C7orf57: variants seen among roughly 807,000 people sequenced by gnomAD.
The protein encoded by C7orf57 is uncharacterized protein C7orf57.
In C7orf57, 33 loss-of-function variants were observed where a neutral mutation model predicts 39.0. That is an observed-to-expected ratio of 0.85 (90% confidence interval 0.64 to 1.13). The LOEUF (loss-of-function observed/expected upper bound fraction) is 1.13. Ranked by LOEUF, C7orf57 falls within the 50% of genes most tolerant of loss-of-function variation. The pLI, the probability that C7orf57 is intolerant of heterozygous loss-of-function variation, is 0.00. For synonymous variants in C7orf57, 124 were observed against 137.1 expected, an observed-to-expected ratio of 0.90 and a Z score of 0.67; for missense variants, 346 against 362.3, an observed-to-expected ratio of 0.95 and a Z score of 0.37.
At chr7:48,038,757 T>G (rs1472090498) in intron 2 of C7orf57, among the ~76,000 whole-genome samples, 3 of 152,196 alleles carry the variant, frequency 2.0e-5, no homozygotes, top group Non-Finnish European at 4.4e-5. Flanking sequence ...CAGCATGATT[T>G]TATACATTTT....
chr7:48,043,880 T>C (rs575598444), intron 4 of C7orf57, among the ~76,000 whole-genome samples: 1 of 152,126 alleles, frequency 6.6e-6, no homozygotes, highest in South Asian at 2.1e-4. Context: ...TTAGAGCTTC[T>C]AAGATGGTGG....
At chr7:48,044,201 G>A (rs1406120769) in intron 4 of C7orf57, among the ~76,000 whole-genome samples, 1 of 152,194 alleles carries the variant, frequency 6.6e-6, no homozygotes, top group East Asian at 1.9e-4. Context: ...CGGATCCGGA[G>A]AGGTGGAAAT....
At chr7:48,046,425 G>A in intron 4 of C7orf57, 35 bp from the exon 5 acceptor site, 4 of 1,593,478 alleles carry the variant, frequency 2.5e-6, no homozygotes, top group Non-Finnish European at 3.4e-6. Flanking sequence ...AAATGGCTCT[G>A]AGCACCAGGC....
At position 48,049,936 on chromosome 7, in the gene C7orf57, C is replaced by T; in HGVS notation, c.564C>T (p.Gly188=). The T allele has an allele frequency of 6.2e-7, 1 of 1,613,550 alleles. No individual in the cohort carries two copies. The highest frequency in any genetic ancestry group is 8.5e-7 in the Non-Finnish European group (1 of 1,179,546). The part of the protein sequence containing the change: ...KYLSKAGTPL[G]PKNPAGSRLS... ...TGAGCAAAGCAGGCACCCCACTTGG[C>T]CCTAAGAATCCTGCAGGAAGTAGAC... is the stretch of plus-strand genomic sequence containing the variant. Residue 188 remains glycine, a synonymous_variant, in exon 6 of 9, where the codon GGC becomes GGT. Coordinates refer to ENST00000348904, the MANE Select transcript of C7orf57 (RefSeq NM_001100159.3).
intron 2 of C7orf57, among the ~76,000 whole-genome samples, chr7:48,037,388 T>A (rs1487473475): frequency 6.6e-6 from 1 of 152,194 alleles, no homozygotes; most frequent in Non-Finnish European, 1.5e-5. Context: ...CCCCATTTTA[T>A]AGAGTTTGGA....
Position 48,060,631 on chromosome 7 carries a change from G to A in C7orf57, c.*359G>A. 1 of 167,606 alleles carries A rather than the reference G, an allele frequency of 6.0e-6. No homozygotes were observed. Among genetic ancestry groups the A allele is most frequent in the Non-Finnish European group, 1.3e-5 (1 of 78,548 alleles). 10.4% of individuals were successfully genotyped at this position (167,606 alleles called of 1,614,324 possible). A position where few individuals can be genotyped will look rare whatever the true frequency, so the allele number is the denominator to read the frequency against. On this transcript the variant is annotated 3_prime_UTR_variant, in exon 9 of 9. Transcript: ENST00000348904. ...GATTCTTAACTAGAGAAAACTTACAGAACAGGTGTTAAGCCTTTTCCAATA... is the reference window on the plus strand; with the variant it reads ...GATTCTTAACTAGAGAAAACTTACAAAACAGGTGTTAAGCCTTTTCCAATA...
In C7orf57 at chr7:48,052,725, A is replaced by C. The variant is rs1374229497; in HGVS notation, c.631A>C (p.Thr211Pro). The change falls in exon 7 of 9, where the codon ACC becomes CCC. Residue 211 changes from threonine to proline, a missense_variant. Thr to Pro is a conservative substitution (Grantham distance 38). Coordinates refer to ENST00000348904, the MANE Select transcript of C7orf57 (RefSeq NM_001100159.3). ...GCCTGGTCAAAAAAACAGTTCACCT[A>C]CCAATTTTTCCAAACTCATTAGCAA... is the stretch of plus-strand genomic sequence containing the variant. ...PVPGQKNSSPTNFSKLISNGY... is the reference protein window; with the variant it reads ...PVPGQKNSSPPNFSKLISNGY... 8 of 1,613,894 alleles carry C rather than the reference A, an allele frequency of 5.0e-6. No individual in the cohort carries two copies. The highest frequency in any genetic ancestry group is 5.9e-6 in the Non-Finnish European group (7 of 1,179,904).
At position 48,051,766 on chromosome 7, in the gene C7orf57, C is replaced by CT. The variant is rs1554299677; in HGVS notation, c.606-931dup. Among the ~76,000 whole-genome samples the CT allele has an allele frequency of 2.3e-3, 149 of 63,856 alleles. 7 individuals carry two copies. The highest frequency in any genetic ancestry group is 0.024 in the Middle Eastern group (2 of 82). The allele number at this position is 63,856 out of a possible 152,430, so 41.9% of individuals were successfully genotyped here. On this transcript the variant is annotated intron_variant, in intron 6 of 8. Transcript: ENST00000348904. Reference sequence around the variant, plus strand: ...TTCTTTTTCTTTTCTTTCTTTCTTTCTTTCTTTCTTTCTTTCTTTCTTTCT... The same window carrying CT: ...TTCTTTTTCTTTTCTTTCTTTCTTTCTTTTCTTTCTTTCTTTCTTTCTTTCT...
chr7:48,047,745 C>A (rs1790757909), intron 5 of C7orf57, among the ~76,000 whole-genome samples: 2 of 152,036 alleles, frequency 1.3e-5, no homozygotes, highest in Non-Finnish European at 2.9e-5. Flanking sequence ...CTCTGTCACC[C>A]AGGCTGGAGT....
intron 8 of C7orf57, among the ~76,000 whole-genome samples, chr7:48,059,719 T>G (rs1791236381): frequency 6.6e-6 from 1 of 152,164 alleles, no homozygotes. Flanking sequence ...TTATTGCAAT[T>G]TTTTTCAGCT....
intron 3 of C7orf57, 34 bp from the exon 4 acceptor site, chr7:48,043,447 G>A (rs548171396): frequency 6.5e-7 from 1 of 1,529,448 alleles, no homozygotes; most frequent in Admixed American, 1.7e-5. Flanking sequence ...GGGGCGGCGG[G>A]GTGTCTCACA....
At chr7:48,059,246 T>C (rs897909564) in intron 8 of C7orf57, among the ~76,000 whole-genome samples, 9 of 152,256 alleles carry the variant, frequency 5.9e-5, no homozygotes, top group African/African-American at 2.2e-4. Context: ...GTTTTAACTT[T>C]ATAAGCAATA....
chr7:48,055,460 T>C (rs1791090759), intron 8 of C7orf57, among the ~76,000 whole-genome samples: 1 of 152,194 alleles, frequency 6.6e-6, no homozygotes, highest in African/African-American at 2.4e-5. Context: ...CCTTTTTTTG[T>C]GGTGATCACA....
chr7:48,048,224 C>A (rs189723111), intron 5 of C7orf57, among the ~76,000 whole-genome samples: 31 of 152,270 alleles, frequency 2.0e-4, no homozygotes, highest in African/African-American at 2.6e-4. Context: ...GGATGAGCAC[C>A]GCATCGGGAT....
intron 3 of C7orf57, 76 bp downstream of exon 3, chr7:48,041,595 A>G (rs1338757302): frequency 5.0e-6 from 6 of 1,192,088 alleles, no homozygotes; most frequent in East Asian, 5.2e-5. Flanking sequence ...AATTTCTTCC[A>G]TATAAAAATA....
chr7:48,046,608 A>G lies in C7orf57; in HGVS notation c.499A>G (p.Lys167Glu), dbSNP rs749911913. ...AGAGGCTGAGGAACTTGAAAAGGAG[A>G]AAAAAAAGGTGACGGGAGCCCATAA... ...QREAEELEKE[K>E]KKLRLPAIDS... Residue 167 changes from lysine (K) to glutamate (E), a missense_variant, in exon 5 of 9, where the codon AAA becomes GAA. Physicochemically the swap from Lys to Glu is moderately conservative, Grantham distance 56 (BLOSUM62 1). Coordinates refer to ENST00000348904, the MANE Select transcript of C7orf57 (RefSeq NM_001100159.3). 42 of 1,606,126 alleles carry G rather than the reference A, an allele frequency of 2.6e-5. No homozygotes were observed. The highest frequency in any genetic ancestry group is 3.5e-5 in the Non-Finnish European group (41 of 1,175,938).
At position 48,049,945 on chromosome 7, in the gene C7orf57, T is replaced by C. The variant is rs2686788; in HGVS notation, c.573T>C (p.Asn191=). 1,454,078 of 1,612,554 alleles carry C rather than the reference T, an allele frequency of 0.9. 658,428 individuals carry two copies. Among genetic ancestry groups the C allele is most frequent in the Non-Finnish European group, 0.93 (1,093,738 of 1,178,874 alleles). Residue 191 remains asparagine, a synonymous_variant, in exon 6 of 9, where the codon AAT becomes AAC. Coordinates refer to ENST00000348904, the MANE Select transcript of C7orf57 (RefSeq NM_001100159.3). Reference sequence around the variant, plus strand: ...CAGGCACCCCACTTGGCCCTAAGAATCCTGCAGGAAGTAGACTCTCCTTCC... The same window carrying C: ...CAGGCACCCCACTTGGCCCTAAGAACCCTGCAGGAAGTAGACTCTCCTTCC... ...SKAGTPLGPK[N]PAGSRLSFPP...
chr7:48,045,414 C>T (rs928079534), intron 4 of C7orf57, among the ~76,000 whole-genome samples: 3 of 152,118 alleles, frequency 2.0e-5, no homozygotes, highest in Non-Finnish European at 4.4e-5. Flanking sequence ...AGCTCAGCCA[C>T]ACTCATGGCT....
At chr7:48,057,542 T>C (rs1791150501) in intron 8 of C7orf57, among the ~76,000 whole-genome samples, 2 of 152,170 alleles carry the variant, frequency 1.3e-5, no homozygotes, top group African/African-American at 2.4e-5. Context: ...GCTTTCTATA[T>C]ATAAGATCAC....
Sources: allele counts gnomAD v4.1 joint callset (sites outside exome capture counted in the v4.1 genomes callset), GRCh38; gene constraint gnomAD v4.1.1; transcripts MANE v1.5; gene names NCBI Gene and HGNC (gene_info 2026-07-23, HGNC 2026-07-21).